CCDC158: variants seen among roughly 807,000 people sequenced by gnomAD.
CCDC158 encodes the protein coiled-coil domain containing 158.
Under a neutral mutation model 138.6 loss-of-function variants are expected in CCDC158, and 116 were observed. The ratio of observed to expected loss-of-function variants is 0.84; its 90% CI spans 0.72 to 0.98. CCDC158 has a LOEUF of 0.98. CCDC158 is among the 50% of genes least tolerant of loss of function. The probability of loss-of-function intolerance (pLI) is 0.00; values close to 1 mark genes in which losing one functional copy is unlikely to be tolerated. For missense variants in CCDC158, 1,265 were observed against 1,306.1 expected, an observed-to-expected ratio of 0.97 and a Z score of 0.48; for synonymous variants, 436 against 442.4, an observed-to-expected ratio of 0.99 and a Z score of 0.18.
At chr4:76,372,780 T>C (rs1725361327) in intron 9 of CCDC158, among the ~76,000 whole-genome samples, 7 of 152,216 alleles carry the variant, frequency 4.6e-5, no homozygotes, top group Admixed American at 4.6e-4. Context: ...ACAAGGCAGC[T>C]GTTTGATCTG....
chr4:76,318,418 T>C (rs950943937), intron 24 of CCDC158, among the ~76,000 whole-genome samples: 7 of 151,916 alleles, frequency 4.6e-5, no homozygotes, highest in African/African-American at 1.5e-4. Flanking sequence ...CTAGAGGAGA[T>C]GGAAAATTCC....
chr4:76,321,843 A>C (rs1482743605), intron 24 of CCDC158, among the ~76,000 whole-genome samples: 1 of 149,974 alleles, frequency 6.7e-6, no homozygotes, highest in African/African-American at 2.4e-5. Flanking sequence ...GGAATAAAAT[A>C]ATGGCATTTG....
At chr4:76,336,088 A>G (rs1345914867) in intron 18 of CCDC158, among the ~76,000 whole-genome samples, 2 of 142,308 alleles carry the variant, frequency 1.4e-5, no homozygotes, top group South Asian at 2.3e-4. Flanking sequence ...AGGCTGAGGC[A>G]GGAGAATGGC....
In CCDC158 at chr4:76,345,109, T is replaced by C. The variant is rs1722415711; in HGVS notation, c.2664+5887A>G. The C allele has an allele frequency of 5.9e-6, 7 of 1,180,308 alleles. No individual in the cohort carries two copies. In the African/African-American group the frequency reaches 9.0e-5, roughly 15 times the overall value. The allele number at this position is 1,180,308 out of a possible 1,614,324, so 73.1% of individuals were successfully genotyped here. A position where few individuals can be genotyped will look rare whatever the true frequency, so the allele number is the denominator to read the frequency against. On this transcript the variant is annotated intron_variant, in intron 18 of 24. Coordinates refer to ENST00000682701, the MANE Select transcript of CCDC158 (RefSeq NM_001394954.1). ...ATAAAAATTGTTGCCGATGTCTATA[T>C]CCACACTGCAGCCTGCTTACATTGC...
intron 18 of CCDC158, among the ~76,000 whole-genome samples, chr4:76,346,739 GGCAACATACAGAATGAGAGAAAATTTTT>G (rs1722586264): frequency 6.6e-6 from 1 of 151,988 alleles, no homozygotes; most frequent in Non-Finnish European, 1.5e-5. Flanking sequence ...AGAGTGAACA[GGCAACATACAGAATGAGAGAAAATTTTT>G]GCAATCTATC....
At chr4:76,336,049 G>A (rs1427519751) in intron 18 of CCDC158, among the ~76,000 whole-genome samples, 9 of 151,528 alleles carry the variant, frequency 5.9e-5, no homozygotes, top group Admixed American at 4.6e-4. Context: ...GGGCATGGTG[G>A]CAGGCACCTG....
chr4:76,369,325 G>T, intron 11 of CCDC158, 101 bp downstream of exon 11: 1 of 1,064,200 alleles, frequency 9.4e-7, no homozygotes, highest in Non-Finnish European at 1.3e-6. Flanking sequence ...AGCCATTTTA[G>T]GTCCATATAT....
Position 76,332,396 on chromosome 4 carries a change from C to T in CCDC158, c.2882+36G>A, listed in dbSNP as rs181917434. Reference sequence around the variant, plus strand: ...CAAGGCCACATATAAAATATTTGGACAATTAATTTGATTCAGAATCTCAGA... The same window carrying T: ...CAAGGCCACATATAAAATATTTGGATAATTAATTTGATTCAGAATCTCAGA... On this transcript the variant is annotated intron_variant, in intron 20 of 24. Transcript: ENST00000682701. The T allele has an allele frequency of 1.6e-5, 25 of 1,553,950 alleles. 2 individuals carry two copies. The Admixed American group carries it at 2.9e-4, about 18-fold the overall frequency.
At position 76,357,498 on chromosome 4, in the gene CCDC158, G is replaced by C. The variant is rs1723690832; in HGVS notation, c.2049C>G (p.Phe683Leu). 5 of 1,596,970 alleles carry C rather than the reference G, an allele frequency of 3.1e-6. No individual in the cohort carries two copies. The highest frequency in any genetic ancestry group is 2.7e-5 in the African/African-American group (2 of 74,414). ...SEEYEVLKRN[F>L]RNKSEEMEMT... The stretch of plus-strand genomic sequence containing the variant: ...TTTCCATTTCTTCACTTTTGTTTCG[G>C]AAATTCCTTTTTAAGACTTCATACT... Residue 683 changes from phenylalanine (F) to leucine (L), a missense_variant, in exon 14 of 25, where the codon TTC becomes TTG. Physicochemically the swap from Phe to Leu is conservative, Grantham distance 22. Coordinates refer to ENST00000682701, the MANE Select transcript of CCDC158 (RefSeq NM_001394954.1).
intron 2 of CCDC158, among the ~76,000 whole-genome samples, chr4:76,409,353 A>T (rs193253518): frequency 2.5e-3 from 373 of 152,076 alleles, no homozygotes; most frequent in African/African-American, 8.6e-3. Flanking sequence ...TTAAAAAAAA[A>T]ACTCTGCACT....
intron 22 of CCDC158, 120 bp from the exon 23 acceptor site, chr4:76,326,135 A>G: frequency 2.7e-6 from 2 of 751,118 alleles, no homozygotes; most frequent in Non-Finnish European, 4.3e-6. Context: ...ACAGGGGGAC[A>G]TTCTTCTAAA....
In CCDC158 at chr4:76,367,318, C is replaced by T. The variant is rs763064713; in HGVS notation, c.1806G>A (p.Arg602=). The T allele has an allele frequency of 6.2e-7, 1 of 1,613,198 alleles. No homozygotes were observed. Among genetic ancestry groups the T allele is most frequent in the South Asian group, 1.1e-5 (1 of 91,008 alleles). The change falls in exon 12 of 25, where the codon AGG becomes AGA. Residue 602 remains arginine (R), a synonymous_variant. Coordinates refer to ENST00000682701, the MANE Select transcript of CCDC158 (RefSeq NM_001394954.1). Reference sequence around the variant, plus strand: ...CCTTAAGTTCCTTTAGTTCCATCCGCCTATCATTAATTTCTTTCTCCAGTT... The same window carrying T: ...CCTTAAGTTCCTTTAGTTCCATCCGTCTATCATTAATTTCTTTCTCCAGTT... ...KAQLEKEIND[R]RMELKELKIL... is the part of the protein sequence containing the mutation.
At chr4:76,327,647 A>C (rs1470647437) in intron 22 of CCDC158, among the ~76,000 whole-genome samples, 8 of 152,200 alleles carry the variant, frequency 5.3e-5, no homozygotes, top group South Asian at 2.1e-4. Flanking sequence ...TTTCAGCTCT[A>C]TTATAATCTT....
intron 4 of CCDC158, among the ~76,000 whole-genome samples, chr4:76,395,776 C>A (rs1023287742): frequency 6.6e-6 from 1 of 152,228 alleles, no homozygotes; most frequent in African/African-American, 2.4e-5. Flanking sequence ...CTACTGGGAC[C>A]AAATATGCAA....
At chr4:76,370,689 C>T (rs1364037282) in intron 10 of CCDC158, among the ~76,000 whole-genome samples, 1 of 152,146 alleles carries the variant, frequency 6.6e-6, no homozygotes, top group African/African-American at 2.4e-5. Flanking sequence ...ATCTTTCAGA[C>T]ATTCAGTCTC....
intron 19 of CCDC158, among the ~76,000 whole-genome samples, chr4:76,333,088 C>T (rs1721146014): frequency 6.6e-6 from 1 of 152,138 alleles, no homozygotes; most frequent in African/African-American, 2.4e-5. Context: ...ACAGTTCTGA[C>T]ATTATGTGCT....
rs139823407 is a variant in CCDC158 at position 76,415,235 on chromosome 4, C to T, written c.-116-3103G>A. Among the ~76,000 whole-genome samples the T allele has an allele frequency of 2.3e-3, 357 of 152,228 alleles. 2 individuals carry two copies. Among genetic ancestry groups the T allele is most frequent in the African/African-American group, 8.4e-3 (349 of 41,530 alleles). ...CTCTAAAGATCTGTGGAACTTTGAT[C>T]TTGAGAGAGATGATTTAGGGTATCT... On this transcript the variant is annotated intron_variant, in intron 1 of 24. Transcript: ENST00000682701.
At chr4:76,375,543 A>T in intron 9 of CCDC158, 1 of 702,230 alleles carries the variant, frequency 1.4e-6, no homozygotes, top group Non-Finnish European at 2.6e-6. Context: ...TACAAAATTC[A>T]GCCCCAACTG....
chr4:76,344,799 G>C (rs914053157), intron 18 of CCDC158: 3 of 1,606,108 alleles, frequency 1.9e-6, no homozygotes, highest in African/African-American at 2.7e-5. Flanking sequence ...CGACTTCAAT[G>C]GTCCTCGAGA....
Sources: gnomAD v4.1 joint callset for allele counts (sites outside exome capture counted in the v4.1 genomes callset) on GRCh38, gnomAD v4.1.1 for gene constraint, MANE v1.5 for transcripts, NCBI Gene and HGNC (gene_info 2026-07-23, HGNC 2026-07-21) for gene names.